Variants in GCM1 observed in about 807,000 individuals in gnomAD.
GCM1 encodes the protein chorion-specific transcription factor GCMa.
GCM1 carries 2 observed loss-of-function variants against 25.7 expected under a neutral mutation model. The ratio of observed to expected loss-of-function variants is 0.08; its 90% CI spans 0.03 to 0.24. The LOEUF is 0.24. GCM1 is among the 10% of genes least tolerant of loss of function. The pLI, the probability that GCM1 is intolerant of heterozygous loss-of-function variation, is 1.00. For synonymous variants in GCM1, 183 were observed against 195.7 expected, an observed-to-expected ratio of 0.94 and a Z score of 0.54; for missense variants, 395 against 538.7, an observed-to-expected ratio of 0.73 and a Z score of 2.64.
rs1452774707 is a variant in GCM1 at position 53,127,350 on chromosome 6, A to T, written c.*856T>A. 3 of 152,220 alleles carry T rather than the reference A, an allele frequency of 2.0e-5. No individual in the cohort carries two copies. Among genetic ancestry groups the T allele is most frequent in the African/African-American group, 4.8e-5 (2 of 41,458 alleles). The allele number at this position is 152,220 out of a possible 1,614,324, so 9.4% of individuals were successfully genotyped here. The stretch of plus-strand genomic sequence containing the variant: ...CAGGTTCCTTGTCATCACAAGTCTC[A>T]GAAATCATCTAGAAAACATATATTT... On this transcript the variant is annotated 3_prime_UTR_variant, in exon 6 of 6. Coordinates refer to ENST00000259803, the MANE Select transcript of GCM1 (RefSeq NM_003643.4).
intron 2 of GCM1, among the ~76,000 whole-genome samples, chr6:53,140,300 G>T (rs143031563): frequency 3.3e-5 from 5 of 152,240 alleles, no homozygotes; most frequent in Admixed American, 6.5e-5. Context: ...TAGCTCCCTA[G>T]CACCAAGACA....
intron 5 of GCM1, among the ~76,000 whole-genome samples, chr6:53,130,117 C>T (rs1763703652): frequency 6.6e-6 from 1 of 152,132 alleles, no homozygotes. Context: ...ATCCACATTA[C>T]AATTTTTTTA....
At chr6:53,142,870 C>CAAAAAAAAAAAAA (rs60718730) in intron 2 of GCM1, among the ~76,000 whole-genome samples, 9 of 37,504 alleles carry the variant, frequency 2.4e-4, no homozygotes, top group South Asian at 1.3e-3. Context: ...CAAGGATCTC[C>CAAAAAAAAAAAAA]AAAAAAAAAA....
At chr6:53,139,495 C>CA (rs58094365) in intron 2 of GCM1, among the ~76,000 whole-genome samples, 2,412 of 105,746 alleles carry the variant, frequency 0.023, 42 homozygotes, top group East Asian at 0.071. Context: ...ACCCCCATCT[C>CA]AAAAAAAAAA....
At position 53,134,259 on chromosome 6, in the gene GCM1, C is replaced by G; in HGVS notation, c.141G>C (p.Ser47=). 1 of 1,614,150 alleles carries G rather than the reference C, an allele frequency of 6.2e-7. No individual in the cohort carries two copies. Among genetic ancestry groups the G allele is most frequent in the Non-Finnish European group, 8.5e-7 (1 of 1,180,004 alleles). Reference sequence around the variant, plus strand: ...GGTGCCGCTGCGCATTCTTGTCCTCCGAGCTGTAGATGTGTTTGGCATAGG... The same window carrying G: ...GGTGCCGCTGCGCATTCTTGTCCTCGGAGCTGTAGATGTGTTTGGCATAGG... ...PDSYAKHIYS[S]EDKNAQRHLS... Residue 47 remains serine (S), a synonymous_variant, in exon 3 of 6, where the codon TCG becomes TCC. Transcript: ENST00000259803.
chr6:53,145,684 G>T lies in GCM1; in HGVS notation c.-52C>A. ...CACCTATTCGACTCCCCTCAGAAAT[G>T]CTTGAGAATTTTGTTCTCAAAGGTT... On this transcript the variant is annotated 5_prime_UTR_variant, in exon 2 of 6. Transcript: ENST00000259803. The T allele has an allele frequency of 9.8e-7, 1 of 1,023,372 alleles. No individual in the cohort carries two copies. The highest frequency in any genetic ancestry group is 1.8e-5 in the Admixed American group (1 of 54,824). The allele number at this position is 1,023,372 out of a possible 1,614,324, so 63.4% of individuals were successfully genotyped here. A position where few individuals can be genotyped will look rare whatever the true frequency, so the allele number is the denominator to read the frequency against.
At chr6:53,135,711 A>G (rs1581851680) in intron 2 of GCM1, among the ~76,000 whole-genome samples, 1 of 152,246 alleles carries the variant, frequency 6.6e-6, no homozygotes, top group Non-Finnish European at 1.5e-5. Flanking sequence ...CTAGAAGGTG[A>G]AAATAGAAGA....
chr6:53,141,878 C>A lies in GCM1; in HGVS notation c.75+3680G>T, dbSNP rs970924379. On this transcript the variant is annotated intron_variant, in intron 2 of 5. Transcript: ENST00000259803. The stretch of plus-strand genomic sequence containing the variant: ...TAATTAGTTGGGTGTGGGGTGCACG[C>A]CTGTAGTCCCCACTATTCTAGAGGC... Among the ~76,000 whole-genome samples, 12 of 150,508 alleles carry A rather than the reference C, an allele frequency of 8.0e-5. No homozygotes were observed. The East Asian group carries it at 2.0e-3, about 25-fold the overall frequency.
intron 2 of GCM1, among the ~76,000 whole-genome samples, chr6:53,142,634 A>G (rs907595815): frequency 6.6e-6 from 1 of 152,220 alleles, no homozygotes; most frequent in African/African-American, 2.4e-5. Context: ...AAGACTTAAG[A>G]AAATCAATTT....
At chr6:53,131,956 G>C (rs1433536983) in intron 4 of GCM1, 51 bp downstream of exon 4, 1 of 1,024,456 alleles carries the variant, frequency 9.8e-7, no homozygotes, top group African/African-American at 1.6e-5. Context: ...CTAGCCTCTG[G>C]TGAAACTCCT....
chr6:53,144,299 C>T (rs1384817624), intron 2 of GCM1, among the ~76,000 whole-genome samples: 1 of 151,672 alleles, frequency 6.6e-6, no homozygotes, highest in Non-Finnish European at 1.5e-5. Flanking sequence ...GTGGCACATG[C>T]CTGTGGTCTC....
chr6:53,134,371 C>T, intron 2 of GCM1, 47 bp from the exon 3 acceptor site: 2 of 1,581,924 alleles, frequency 1.3e-6, no homozygotes, highest in Non-Finnish European at 1.7e-6. Flanking sequence ...CTAGAAAACA[C>T]AGCTGTCACC....
chr6:53,127,027 C>T lies in GCM1; in HGVS notation c.*1179G>A, dbSNP rs1286410581. 1.3e-5 allele frequency: 2 copies of T among 152,100 alleles called. No homozygotes were observed. Among genetic ancestry groups the T allele is most frequent in the Non-Finnish European group, 2.9e-5 (2 of 68,032 alleles). The allele number at this position is 152,100 out of a possible 1,614,324, so 9.4% of individuals were successfully genotyped here. On this transcript the variant is annotated 3_prime_UTR_variant, in exon 6 of 6. Coordinates refer to ENST00000259803, the MANE Select transcript of GCM1 (RefSeq NM_003643.4). ...ATTTTATGTCTAGGCTTACTTTTAT[C>T]ATAAAGTACTTCAGCAAAGAAGAGA... is the stretch of plus-strand genomic sequence containing the variant.
intron 2 of GCM1, among the ~76,000 whole-genome samples, chr6:53,135,038 G>A (rs989609355): frequency 1.2e-4 from 18 of 152,194 alleles, no homozygotes; most frequent in African/African-American, 4.3e-4. Flanking sequence ...TGACAAGGGA[G>A]TAAGAAAGAG....
intron 2 of GCM1, among the ~76,000 whole-genome samples, chr6:53,142,369 A>T (rs1562091065): frequency 6.6e-6 from 1 of 152,280 alleles, no homozygotes; most frequent in East Asian, 1.9e-4. Context: ...AAGTTGGGGT[A>T]ATACTGCCTA....
chr6:53,133,322 AC>A (rs1763751477), intron 3 of GCM1, among the ~76,000 whole-genome samples: 1 of 142,168 alleles, frequency 7.0e-6, no homozygotes, highest in African/African-American at 2.6e-5. Flanking sequence ...ACACCACCAC[AC>A]CCGGCAAATG....
In GCM1 at chr6:53,128,037, A is replaced by AAAAAAAAAAAAAAAAAAAAAAAAAAAAAG. The variant is rs1763667822; in HGVS notation, c.*168_*169insCTTTTTTTTTTTTTTTTTTTTTTTTTTTT. 3.5e-6 allele frequency: 1 copy of AAAAAAAAAAAAAAAAAAAAAAAAAAAAAG among 286,994 alleles called. No homozygotes were observed. The allele number at this position is 286,994 out of a possible 1,614,324, so 17.8% of individuals were successfully genotyped here. A position where few individuals can be genotyped will look rare whatever the true frequency, so the allele number is the denominator to read the frequency against. On this transcript the variant is annotated 3_prime_UTR_variant, in exon 6 of 6. Coordinates refer to ENST00000259803, the MANE Select transcript of GCM1 (RefSeq NM_003643.4). ...GAGCAAGACTCTGTCTCAAAAAAAA[A>AAAAAAAAAAAAAAAAAAAAAAAAAAAAAG]AAAAAAAAAAAAAAAAGAAGGAAAA...
intron 1 of GCM1, among the ~76,000 whole-genome samples, chr6:53,146,471 C>T (rs141025421): frequency 0.01 from 1,556 of 151,968 alleles, 23 homozygotes; most frequent in African/African-American, 0.034. Context: ...CTACCCGCCT[C>T]GGACTCCCAA....
chr6:53,132,696 A>C (rs780892954), intron 3 of GCM1, among the ~76,000 whole-genome samples: 1 of 152,212 alleles, frequency 6.6e-6, no homozygotes, highest in Non-Finnish European at 1.5e-5. Flanking sequence ...TGGGTGACAG[A>C]GTGAAAGTCT....
Sources: allele counts gnomAD v4.1 joint callset (sites outside exome capture counted in the v4.1 genomes callset), GRCh38; gene constraint gnomAD v4.1.1; transcripts MANE v1.5; gene names NCBI Gene and HGNC (gene_info 2026-07-23, HGNC 2026-07-21).